PCDHA5: variants seen among roughly 807,000 people sequenced by gnomAD.
PCDHA5 encodes the protein protocadherin alpha-5.
Under a neutral mutation model 61.6 loss-of-function variants are expected in PCDHA5, and 43 were observed. The ratio of observed to expected loss-of-function variants is 0.70; its 90% confidence interval spans 0.55 to 0.90. The LOEUF (loss-of-function observed/expected upper bound fraction) is 0.90, where lower values mean the gene tolerates loss of function less well. PCDHA5 is among the 40% of genes least tolerant of loss of function. The pLI is 0.00. For missense variants in PCDHA5, 1,298 were observed against 1,222.7 expected, an observed-to-expected ratio of 1.06 and a Z score of -0.92; for synonymous variants, 627 against 543.9, an observed-to-expected ratio of 1.15 and a Z score of -2.13.
At chr5:140,985,180 G>A (rs782679962) in intron 3 of PCDHA5, among the ~76,000 whole-genome samples, 1 of 152,028 alleles carries the variant, frequency 6.6e-6, no homozygotes, top group Non-Finnish European at 1.5e-5. Flanking sequence ...CTCGTAATCC[G>A]CCTGCCTCGG....
chr5:140,962,512 AATAAT>A (rs2095688598), intron 1 of PCDHA5, among the ~76,000 whole-genome samples: 1 of 152,184 alleles, frequency 6.6e-6, no homozygotes, highest in Admixed American at 6.5e-5. Flanking sequence ...GCCAACTATC[AATAAT>A]ATATTAGTTT....
intron 1 of PCDHA5, chr5:140,861,780 G>A (rs2047084073): frequency 1.2e-5 from 2 of 161,142 alleles, no homozygotes; most frequent in African/African-American, 2.4e-5. Flanking sequence ...CCAAGAGCAG[G>A]TAAAACCACT....
chr5:140,928,697 G>C, intron 1 of PCDHA5: 9 of 1,614,124 alleles, frequency 5.6e-6, no homozygotes, highest in Non-Finnish European at 5.9e-6. Context: ...CACATCTCCC[G>C]GGCGTCTGAC....
At chr5:140,839,836 C>A (rs1318845846) in intron 1 of PCDHA5, among the ~76,000 whole-genome samples, 1 of 151,888 alleles carries the variant, frequency 6.6e-6, no homozygotes, top group African/African-American at 2.4e-5. Flanking sequence ...CATGATGAAT[C>A]CATGGAGAAT....
At chr5:140,998,403 A>G (rs375947232) in intron 3 of PCDHA5, among the ~76,000 whole-genome samples, 5 of 152,114 alleles carry the variant, frequency 3.3e-5, no homozygotes, top group Non-Finnish European at 7.4e-5. Context: ...CTTTATGCCA[A>G]AGTTTATCTA....
chr5:140,926,997 C>T (rs782110120), intron 1 of PCDHA5: 3 of 1,612,104 alleles, frequency 1.9e-6, no homozygotes, highest in Admixed American at 3.3e-5. Context: ...GGGGCGTAGC[C>T]GTAGGCAATC....
In PCDHA5 at chr5:140,828,733, C is replaced by T. The variant is rs2150158342; in HGVS notation, c.2352+4606C>T. The T allele has an allele frequency of 1.4e-5, 23 of 1,614,096 alleles. No individual in the cohort carries two copies. In the Middle Eastern group the frequency reaches 8.2e-4, roughly 58 times the overall value. On this transcript the variant is annotated intron_variant, in intron 1 of 3. Transcript: ENST00000529859. ...CTGCACACAACTTATTCCTGACAGC[C>T]ACAGATGGGGGCAAACCTGAGCTCA...
At position 140,829,707 on chromosome 5, in the gene PCDHA5, AC is replaced by A. The variant is rs2150172944; in HGVS notation, c.2352+5581del. On this transcript the variant is annotated intron_variant, in intron 1 of 3. Transcript: ENST00000529859. ...CTGCAGTTTCAGGTGAGCGCGCGCG[AC>A]GCGGGCGTGCCGCCTCTGGGCAGCA... is the stretch of plus-strand genomic sequence containing the variant. 3.1e-6 allele frequency: 5 copies of A among 1,613,270 alleles called. No individual in the cohort carries two copies. In the East Asian group the frequency reaches 1.1e-4, roughly 36 times the overall value.
chr5:140,925,570 A>G (rs531387558), intron 1 of PCDHA5, among the ~76,000 whole-genome samples: 1 of 152,008 alleles, frequency 6.6e-6, no homozygotes, highest in African/African-American at 2.4e-5. Flanking sequence ...TGGGTGCAGC[A>G]CACCAACATG....
At chr5:140,978,740 A>G (rs2096821027) in intron 1 of PCDHA5, among the ~76,000 whole-genome samples, 1 of 152,254 alleles carries the variant, frequency 6.6e-6, no homozygotes, top group Non-Finnish European at 1.5e-5. Flanking sequence ...CTTCCAGGGT[A>G]TCTAATCTGT....
intron 1 of PCDHA5, chr5:140,882,876 A>G (rs1554175925): frequency 6.2e-7 from 1 of 1,614,238 alleles, no homozygotes. Flanking sequence ...CTGGACAGAG[A>G]GGAAATTCAG....
chr5:140,884,559 C>G lies in PCDHA5; in HGVS notation c.2352+60432C>G. On this transcript the variant is annotated intron_variant, in intron 1 of 3. Transcript: ENST00000529859. ...CCGAGGGTGTGCTCTGGGGAGGGCC[C>G]GCATAAGACGGACCTCATGGCCTTC... The G allele has an allele frequency of 1.2e-6, 2 of 1,614,094 alleles. No individual in the cohort carries two copies. The highest frequency in any genetic ancestry group is 1.7e-5 in the Admixed American group (1 of 59,984).
chr5:140,946,221 A>G (rs1287007358), intron 1 of PCDHA5, among the ~76,000 whole-genome samples: 2 of 152,214 alleles, frequency 1.3e-5, no homozygotes, highest in Admixed American at 6.5e-5. Context: ...ACCAACAGGT[A>G]TACTAAAAAA....
chr5:140,986,011 T>A (rs1172713730), intron 3 of PCDHA5, among the ~76,000 whole-genome samples: 1 of 152,184 alleles, frequency 6.6e-6, no homozygotes, highest in Non-Finnish European at 1.5e-5. Flanking sequence ...AGTGCTGGGA[T>A]TACAGGCGTG....
chr5:140,966,826 G>T, intron 1 of PCDHA5: 5 of 1,560,694 alleles, frequency 3.2e-6, no homozygotes, highest in Non-Finnish European at 4.3e-6. Context: ...GGCGGCCCAT[G>T]CCCTGGCTGC....
At chr5:140,958,069 A>C (rs2095407625) in intron 1 of PCDHA5, among the ~76,000 whole-genome samples, 1 of 152,104 alleles carries the variant, frequency 6.6e-6, no homozygotes. Flanking sequence ...AAAAACACAG[A>C]AGCAAAAAGT....
At chr5:140,872,497 C>T (rs1554166232) in intron 1 of PCDHA5, among the ~76,000 whole-genome samples, 1 of 152,150 alleles carries the variant, frequency 6.6e-6, no homozygotes, top group Non-Finnish European at 1.5e-5. Flanking sequence ...CCTAGTGGTG[C>T]ATGCCTGTAG....
At chr5:141,008,159 G>A (rs1352277469) in intron 3 of PCDHA5, among the ~76,000 whole-genome samples, 1 of 152,138 alleles carries the variant, frequency 6.6e-6, no homozygotes, top group East Asian at 1.9e-4. Flanking sequence ...TTGATAAGAT[G>A]AGGACTAAAA....
chr5:140,833,845 A>G (rs2150211718), intron 1 of PCDHA5, among the ~76,000 whole-genome samples: 239 of 152,320 alleles, frequency 1.6e-3, no homozygotes, highest in African/African-American at 5.6e-3. Flanking sequence ...GATTTTTCTT[A>G]ACAAGCGATA....
Sources: allele counts gnomAD v4.1 joint callset (sites outside exome capture counted in the v4.1 genomes callset), GRCh38; gene constraint gnomAD v4.1.1; transcripts MANE v1.5; gene names NCBI Gene and HGNC (gene_info 2026-07-23, HGNC 2026-07-21).